The following KMT2D variants were observed in gnomAD, a reference collection of about 807,000 sequenced individuals.
The protein encoded by KMT2D is histone-lysine N-methyltransferase 2D.
A neutral mutation model predicts 512.7 loss-of-function variants in KMT2D; 55 were observed. That is an observed-to-expected ratio of 0.11 (90% CI 0.09 to 0.13). The LOEUF (loss-of-function observed/expected upper bound fraction) is 0.13, where lower values mean the gene tolerates loss of function less well. Among genes scored for constraint, KMT2D ranks in the 10% least tolerant of loss-of-function variants. The pLI, the probability that KMT2D is intolerant of heterozygous loss-of-function variation, is 1.00. For missense variants in KMT2D, 6,061 were observed against 7,127.9 expected (o/e 0.85, Z 5.39); for synonymous variants, 2,995 against 2,904.0 (o/e 1.03, Z -1.01).
intron 43 of KMT2D, 91 bp from the exon 44 acceptor site, chr12:49,029,567 G>A (rs1942789011): frequency 1.1e-6 from 1 of 913,434 alleles, no homozygotes; most frequent in Admixed American, 2.1e-5. Flanking sequence ...ATTAGCATGA[G>A]ATCTCAGCTA....
Position 49,034,439 on chromosome 12 carries a change from T to A in KMT2D, c.10478A>T (p.Asn3493Ile). Residue 3493 changes from asparagine to isoleucine, a missense_variant, in exon 38 of 55, where the codon AAC (asparagine) becomes ATC (isoleucine). Transcript: ENST00000301067. ...SAGDPSQPRPNPPTFAQGVIN... is the reference protein window; with the variant it reads ...SAGDPSQPRPIPPTFAQGVIN... ...CACTCCCTGAGCAAAAGTGGGCGGG[T>A]TGGGACGAGGCTGGGAGGGATCACC... 6.2e-7 allele frequency: 1 copy of A among 1,613,578 alleles called. No individual in the cohort carries two copies. Among genetic ancestry groups the A allele is most frequent in the Non-Finnish European group, 8.5e-7 (1 of 1,179,772 alleles).
In KMT2D at chr12:49,033,881, TTGCTGCTGCTGC is replaced by T. The variant is rs747016071; in HGVS notation, c.10812_10823del (p.Gln3609_Gln3612del). 16 of 1,539,240 alleles carry T rather than the reference TTGCTGCTGCTGC, an allele frequency of 1.0e-5. No individual in the cohort carries two copies. The highest frequency in any genetic ancestry group is 6.9e-5 in the African/African-American group (5 of 72,760). Reference sequence around the variant, plus strand: ...GCACAGCTGAGTGCTGTTGCTGTTGTTGCTGCTGCTGCTGCTGTTGTTGCTGCTGCTTGTTCC... The same window carrying T: ...GCACAGCTGAGTGCTGTTGCTGTTGTTGCTGTTGTTGCTGCTGCTTGTTCC... On this transcript the variant is annotated inframe_deletion, in exon 40 of 55. Coordinates refer to ENST00000301067, the MANE Select transcript of KMT2D (RefSeq NM_003482.4).
intron 35 of KMT2D, among the ~76,000 whole-genome samples, chr12:49,036,618 A>G (rs1943233302): frequency 6.6e-6 from 1 of 150,752 alleles, no homozygotes; most frequent in Admixed American, 6.7e-5. Flanking sequence ...CCTCCCGAGT[A>G]GCTGGGATTA....
At position 49,029,044 on chromosome 12, in the gene KMT2D, T is replaced by C. The variant is rs2120390279; in HGVS notation, c.14251+17A>G. On this transcript the variant is annotated intron_variant, in intron 45 of 54. Coordinates refer to ENST00000301067, the MANE Select transcript of KMT2D (RefSeq NM_003482.4). Reference sequence around the variant, plus strand: ...CCAGGTGAACTGGGCCTGGCCCACATCCAGAGTAGCACATACCTGGGATGC... The same window carrying C: ...CCAGGTGAACTGGGCCTGGCCCACACCCAGAGTAGCACATACCTGGGATGC... The C allele has an allele frequency of 3.7e-6, 6 of 1,603,822 alleles. No individual in the cohort carries two copies. In the South Asian group the frequency reaches 6.7e-5, roughly 18 times the overall value.
intron 19 of KMT2D, 40 bp downstream of exon 19, chr12:49,045,880 G>T (rs570995792): frequency 1.3e-6 from 2 of 1,491,690 alleles, no homozygotes; most frequent in Non-Finnish European, 1.9e-6. Context: ...GATGTCCGAC[G>T]TCTGGTCTGG....
intron 51 of KMT2D, among the ~76,000 whole-genome samples, chr12:49,023,845 C>T (rs1942441326): frequency 6.6e-6 from 1 of 152,172 alleles, no homozygotes; most frequent in African/African-American, 2.4e-5. Flanking sequence ...TAGGAGCCAC[C>T]AAAGACCTTC....
chr12:49,050,365 T>A lies in KMT2D; in HGVS notation c.3223A>T (p.Thr1075Ser), dbSNP rs2120649402. ...CATTCAGGTTCTGAAACTTTCTCAG[T>A]CTCCATCTCGTGCAGCTCAGCCTCA... ...SDEAELHEME[T>S]EKVSEPECPA... The change falls in exon 12 of 55, where the codon ACT becomes TCT. Residue 1075 changes from threonine (T) to serine (S), a missense_variant. By Grantham distance (58) the Thr-to-Ser change is moderately conservative. This residue lies in a region of KMT2D where 447 missense variants were observed against 500.1 expected (regional missense o/e 0.89). Transcript: ENST00000301067. 1.2e-6 allele frequency: 2 copies of A among 1,612,136 alleles called. No individual in the cohort carries two copies. The highest frequency in any genetic ancestry group is 1.7e-6 in the Non-Finnish European group (2 of 1,179,076).
In KMT2D at chr12:49,039,763, C is replaced by A. The variant is rs771035557; in HGVS notation, c.8007G>T (p.Met2669Ile). 1 of 1,613,816 alleles carries A rather than the reference C, an allele frequency of 6.2e-7. No individual in the cohort carries two copies. Among genetic ancestry groups the A allele is most frequent in the South Asian group, 1.1e-5 (1 of 91,080 alleles). ...CCAGCTCTGTTTGGCTAAGGCCGGACATGCCTGGGTCCTGGGTACCTGGGA... is the reference window on the plus strand; with the variant it reads ...CCAGCTCTGTTTGGCTAAGGCCGGAAATGCCTGGGTCCTGGGTACCTGGGA... Reference protein sequence around the residue: ...AELPGTQDPGMSGLSQTELEK... With the variant: ...AELPGTQDPGISGLSQTELEK... The change falls in exon 32 of 55, where the codon ATG (methionine) becomes ATT (isoleucine). Residue 2669 changes from methionine to isoleucine, a missense_variant. Transcript: ENST00000301067. This position sits in a 1 kb window ranked among gnomAD's most constrained non-coding sequence, Gnocchi z 5.0.
rs1050176745 is a variant in KMT2D, at chr12:49,019,089, C to T, written c.*2691G>A. The T allele has an allele frequency of 2.2e-5, 26 of 1,207,126 alleles. No individual in the cohort carries two copies. Among genetic ancestry groups the T allele is most frequent in the African/African-American group, 4.7e-5 (3 of 63,774 alleles). 74.8% of individuals were successfully genotyped at this position (1,207,126 alleles called of 1,614,324 possible). On this transcript the variant is annotated 3_prime_UTR_variant, in exon 55 of 55. Transcript: ENST00000301067. ...ATAAATATGTACAGTTCAGAATGATCGCTGATACAAAACATGCCAAGGACA... is the reference window on the plus strand; with the variant it reads ...ATAAATATGTACAGTTCAGAATGATTGCTGATACAAAACATGCCAAGGACA...
intron 49 of KMT2D, among the ~76,000 whole-genome samples, chr12:49,025,436 CTACAG>C (rs1414023928): frequency 6.6e-6 from 1 of 152,226 alleles, no homozygotes; most frequent in African/African-American, 2.4e-5. Context: ...TTACAACTGC[CTACAG>C]TATTCAGTAC....
rs1335354078 is a variant in KMT2D, at chr12:49,054,718, G to A, written c.210C>T (p.Asn70=). Residue 70 remains asparagine (N), a synonymous_variant, in exon 4 of 55, where the codon AAC becomes AAT. Transcript: ENST00000301067. The surrounding 1 kb of genome is among the most constrained non-coding windows in gnomAD (Gnocchi z 6.4). ...GGPVRRCALC[N]CGEPSLHGQR... ...GCCCGTGTAGACTGGGCTCCCCGCAGTTACAGAGAGCACAACGCCGCACCG... is the reference window on the plus strand; with the variant it reads ...GCCCGTGTAGACTGGGCTCCCCGCAATTACAGAGAGCACAACGCCGCACCG... 7 of 1,613,626 alleles carry A rather than the reference G, an allele frequency of 4.3e-6. No homozygotes were observed. The highest frequency in any genetic ancestry group is 5.9e-6 in the Non-Finnish European group (7 of 1,179,786).
rs1937937812 is a variant in KMT2D, at chr12:49,050,930, G to T, written c.2753C>A (p.Ser918Tyr). ...LSPLPEELPL[S>Y]PSGEPSLSPQ... ...CGACAAGGATGGCTCCCCAGATGGG[G>T]ACAACGGCAGCTCCTCGGGCAGAGG... is the stretch of plus-strand genomic sequence containing the variant. Residue 918 changes from serine (S) to tyrosine (Y), a missense_variant, in exon 11 of 55, where the codon TCC (serine) becomes TAC (tyrosine). Ser to Tyr is a moderately radical substitution (Grantham distance 144). Coordinates refer to ENST00000301067, the MANE Select transcript of KMT2D (RefSeq NM_003482.4). 1 of 1,539,294 alleles carries T rather than the reference G, an allele frequency of 6.5e-7. No individual in the cohort carries two copies. The highest frequency in any genetic ancestry group is 8.7e-7 in the Non-Finnish European group (1 of 1,142,948).
In KMT2D at chr12:49,044,253, T is replaced by C. The variant is rs780141969; in HGVS notation, c.5135A>G (p.Lys1712Arg). 3 of 1,612,838 alleles carry C rather than the reference T, an allele frequency of 1.9e-6. No homozygotes were observed. In the Admixed American group the frequency reaches 5.0e-5, roughly 27 times the overall value. Residue 1712 changes from lysine to arginine, a missense_variant, in exon 22 of 55, where the codon AAG becomes AGG. Transcript: ENST00000301067. This position sits in a 1 kb window ranked among gnomAD's most constrained non-coding sequence, Gnocchi z 6.4. ...RQRKSHTRTK[K>R]GPAAQAEVLS... Reference sequence around the variant, plus strand: ...CACCTCCGCCTGTGCAGCAGGCCCCTTTTTCGTGCGTGTGTGGGATTTCCG... The same window carrying C: ...CACCTCCGCCTGTGCAGCAGGCCCCCTTTTCGTGCGTGTGTGGGATTTCCG...
chr12:49,044,173 C>A lies in KMT2D; in HGVS notation c.5188+27G>T, dbSNP rs1943675013. ...TAGCATTGCCCCACCTTCTCCCAGG[C>A]CCCACTGGTGCCCTCACCCGTCTCA... On this transcript the variant is annotated intron_variant, in intron 22 of 54. Coordinates refer to ENST00000301067, the MANE Select transcript of KMT2D (RefSeq NM_003482.4). This position sits in a 1 kb window ranked among gnomAD's most constrained non-coding sequence, Gnocchi z 6.4. 2 of 1,606,356 alleles carry A rather than the reference C, an allele frequency of 1.2e-6. No homozygotes were observed. Among genetic ancestry groups the A allele is most frequent in the Admixed American group, 1.7e-5 (1 of 59,706 alleles).
chr12:49,051,314 G>A lies in KMT2D; in HGVS notation c.2369C>T (p.Pro790Leu), dbSNP rs1321690764. 1 of 1,588,444 alleles carries A rather than the reference G, an allele frequency of 6.3e-7. No homozygotes were observed. Among genetic ancestry groups the A allele is most frequent in the Non-Finnish European group, 8.6e-7 (1 of 1,164,182 alleles). ...CAVPEEPHLSPQAEGPHLSPQ... is the reference protein window; with the variant it reads ...CAVPEEPHLSLQAEGPHLSPQ... ...GGACAGATGTGGTCCCTCAGCCTGG[G>A]GGGACAAGTGTGGCTCCTCAGGCAC... The change falls in exon 11 of 55, where the codon CCC becomes CTC. Residue 790 changes from proline to leucine, a missense_variant. By Grantham distance (98) the Pro-to-Leu change is moderately conservative. This residue lies in a region of KMT2D where 848 missense variants were observed against 838.5 expected (regional missense o/e 1.01). Coordinates refer to ENST00000301067, the MANE Select transcript of KMT2D (RefSeq NM_003482.4).
At chr12:49,052,529 G>A (rs1592158375) in intron 10 of KMT2D, 35 bp downstream of exon 10, 1 of 1,607,004 alleles carries the variant, frequency 6.2e-7, no homozygotes, top group East Asian at 2.2e-5. Context: ...AGAATAAAAG[G>A]GGATGAATTT....
chr12:49,033,827 C>G lies in KMT2D; in HGVS notation c.10878G>C (p.Arg3626=). ...GCTGACCAGGGAGCTTGGTGAGCAG[C>G]CGGGGACTCTGGGAAGGGCTGAGAG... The part of the protein sequence containing the change: ...VLALSPSQSP[R]LLTKLPGQLL... Residue 3626 remains arginine, a synonymous_variant, in exon 40 of 55, where the codon CGG becomes CGC. Coordinates refer to ENST00000301067, the MANE Select transcript of KMT2D (RefSeq NM_003482.4). The G allele has an allele frequency of 6.3e-7, 1 of 1,582,058 alleles. No individual in the cohort carries two copies. The highest frequency in any genetic ancestry group is 1.2e-5 in the South Asian group (1 of 86,582).
Position 49,033,986 on chromosome 12 carries a change from G to C in KMT2D, c.10741-22C>G, listed in dbSNP as rs1351960574. ...GGACCTAACATGGGAGGGTCGGAGA[G>C]GTCAGGCTGGGGCATGCTCCCCCCA... On this transcript the variant is annotated intron_variant, in intron 39 of 54. Coordinates refer to ENST00000301067, the MANE Select transcript of KMT2D (RefSeq NM_003482.4). The C allele has an allele frequency of 3.9e-6, 6 of 1,547,020 alleles. No homozygotes were observed. In the Admixed American group the frequency reaches 1.2e-4, roughly 30 times the overall value.
Position 49,033,904 on chromosome 12 carries a change from G to C in KMT2D, c.10801C>G (p.Gln3601Glu). The change falls in exon 40 of 55, where the codon CAA (glutamine) becomes GAA (glutamate). Residue 3601 changes from glutamine to glutamate, a missense_variant. Transcript: ENST00000301067. ...LMAEYRNKQQQQQQQQQQQQQ... is the reference protein window; with the variant it reads ...LMAEYRNKQQEQQQQQQQQQQ... ...TGTTGCTGCTGCTGCTGCTGTTGTT[G>C]CTGCTGCTTGTTCCGATATTCTGCC... 1 of 1,543,354 alleles carries C rather than the reference G, an allele frequency of 6.5e-7. No homozygotes were observed. The highest frequency in any genetic ancestry group is 8.7e-7 in the Non-Finnish European group (1 of 1,144,252).
Sources: gnomAD v4.1 joint callset for allele counts (sites outside exome capture counted in the v4.1 genomes callset) on GRCh38, gnomAD v4.1.1 for gene constraint, gnomAD v4.1.1 regional missense constraint, Gnocchi (gnomAD v3.1) non-coding constraint, MANE v1.5 for transcripts, NCBI Gene and HGNC (gene_info 2026-07-23, HGNC 2026-07-21) for gene names.